Variants in SH3GL2 observed in about 807,000 individuals in gnomAD.
SH3GL2 encodes the protein SH3 domain containing GRB2 like 2, endophilin A1.
SH3GL2 carries 24 observed loss-of-function variants against 46.0 expected under a neutral mutation model. That is an observed-to-expected ratio of 0.52 (90% CI 0.38 to 0.73). The LOEUF is 0.73. SH3GL2 is among the 30% of genes least tolerant of loss of function. The probability of loss-of-function intolerance (pLI) is 0.00; values close to 1 mark genes in which losing one functional copy is unlikely to be tolerated. For synonymous variants in SH3GL2, 196 were observed against 147.1 expected (o/e 1.33, Z -2.40); for missense variants, 413 against 424.2 (o/e 0.97, Z 0.23).
At chr9:17,656,719 G>T (rs557903946) in intron 1 of SH3GL2, among the ~76,000 whole-genome samples, 2 of 140,372 alleles carry the variant, frequency 1.4e-5, no homozygotes, top group South Asian at 2.3e-4. Context: ...GTAGTGAGCC[G>T]AGTTAGTGCC....
chr9:17,795,497 C>G (rs574795384), intron 8 of SH3GL2, 47 bp from the exon 9 acceptor site: 1 of 1,493,332 alleles, frequency 6.7e-7, no homozygotes, highest in Non-Finnish European at 9.3e-7. Context: ...AGTTAAATAC[C>G]CCTTATCCTT....
intron 1 of SH3GL2, among the ~76,000 whole-genome samples, chr9:17,691,301 A>G (rs1434327647): frequency 6.6e-6 from 1 of 152,120 alleles, no homozygotes; most frequent in African/African-American, 2.4e-5. Flanking sequence ...CCCTAATTCT[A>G]CTTTTATTTT....
At chr9:17,760,286 AACAC>A (rs754940901) in intron 2 of SH3GL2, among the ~76,000 whole-genome samples, 18 of 152,328 alleles carry the variant, frequency 1.2e-4, no homozygotes, top group Non-Finnish European at 2.4e-4. Flanking sequence ...AGTAATAGCA[AACAC>A]ACACAGTAAT....
At chr9:17,618,430 G>T (rs1819055911) in intron 1 of SH3GL2, among the ~76,000 whole-genome samples, 1 of 152,160 alleles carries the variant, frequency 6.6e-6, no homozygotes, top group Non-Finnish European at 1.5e-5. Flanking sequence ...CTGGACTGAG[G>T]TGCCACCATG....
chr9:17,581,259 A>C (rs988850805), intron 1 of SH3GL2, among the ~76,000 whole-genome samples: 2 of 152,208 alleles, frequency 1.3e-5, no homozygotes, highest in African/African-American at 2.4e-5. Context: ...GTGTAGAAAA[A>C]ATAATTTAAA....
At chr9:17,692,808 G>A (rs1821115484) in intron 1 of SH3GL2, among the ~76,000 whole-genome samples, 1 of 152,110 alleles carries the variant, frequency 6.6e-6, no homozygotes, top group Admixed American at 6.6e-5. Flanking sequence ...TGGACTTACG[G>A]TTCCACTTGG....
At chr9:17,602,550 A>T (rs1818690736) in intron 1 of SH3GL2, among the ~76,000 whole-genome samples, 1 of 152,202 alleles carries the variant, frequency 6.6e-6, no homozygotes, top group Admixed American at 6.5e-5. Context: ...CAGACCTTCC[A>T]GGTGACTCTT....
At chr9:17,620,510 T>G (rs1353989079) in intron 1 of SH3GL2, among the ~76,000 whole-genome samples, 3 of 152,184 alleles carry the variant, frequency 2.0e-5, no homozygotes, top group Non-Finnish European at 4.4e-5. Context: ...AGTAATGGGC[T>G]CGCAGACATG....
chr9:17,784,792 C>T (rs146402356), intron 3 of SH3GL2, among the ~76,000 whole-genome samples: 4 of 152,228 alleles, frequency 2.6e-5, no homozygotes, highest in South Asian at 2.1e-4. Context: ...AGCTCACTAC[C>T]GCCTCAAACT....
At chr9:17,671,930 A>C (rs925761420) in intron 1 of SH3GL2, among the ~76,000 whole-genome samples, 1 of 152,218 alleles carries the variant, frequency 6.6e-6, no homozygotes, top group Non-Finnish European at 1.5e-5. Flanking sequence ...GTGTTACCTC[A>C]ACAAAGATTG....
At chr9:17,641,679 G>T (rs1280500041) in intron 1 of SH3GL2, among the ~76,000 whole-genome samples, 1 of 152,178 alleles carries the variant, frequency 6.6e-6, no homozygotes, top group African/African-American at 2.4e-5. Context: ...TTATGAGTGA[G>T]AACATGTGGT....
intron 1 of SH3GL2, among the ~76,000 whole-genome samples, chr9:17,707,542 A>C (rs1293731152): frequency 1.3e-5 from 2 of 152,052 alleles, no homozygotes; most frequent in African/African-American, 2.4e-5. Flanking sequence ...TGTGCTATGC[A>C]ACTGTGCTGT....
chr9:17,591,311 T>C (rs1008648991), intron 1 of SH3GL2: 2 of 152,090 alleles, frequency 1.3e-5, no homozygotes, highest in African/African-American at 2.4e-5. Context: ...CTTTATAATA[T>C]CTAAATTACC....
chr9:17,603,364 C>T (rs1376854355), intron 1 of SH3GL2, among the ~76,000 whole-genome samples: 1 of 152,112 alleles, frequency 6.6e-6, no homozygotes. Context: ...GGACATTAAG[C>T]TAAGTTAAAT....
intron 1 of SH3GL2, among the ~76,000 whole-genome samples, chr9:17,650,057 T>A (rs972314211): frequency 6.6e-6 from 1 of 152,230 alleles, no homozygotes. Context: ...AAGGATATCT[T>A]CCCTGGAGAG....
intron 1 of SH3GL2, among the ~76,000 whole-genome samples, chr9:17,671,279 G>C (rs1820467677): frequency 6.6e-6 from 1 of 150,578 alleles, no homozygotes; most frequent in South Asian, 2.1e-4. Flanking sequence ...CAGTGAAATG[G>C]TTTCTGTTTT....
chr9:17,683,916 A>C (rs751715348), intron 1 of SH3GL2, among the ~76,000 whole-genome samples: 2 of 152,114 alleles, frequency 1.3e-5, no homozygotes, highest in Admixed American at 6.6e-5. Flanking sequence ...CTGACTCCTG[A>C]CTAAATTGAA....
At chr9:17,719,401 C>T (rs970858489) in intron 1 of SH3GL2, among the ~76,000 whole-genome samples, 1 of 152,124 alleles carries the variant, frequency 6.6e-6, no homozygotes, top group Non-Finnish European at 1.5e-5. Context: ...AAATTCAGAG[C>T]AGCTTATAAA....
intron 1 of SH3GL2, among the ~76,000 whole-genome samples, chr9:17,593,815 G>A (rs1818525611): frequency 1.3e-5 from 2 of 152,222 alleles, no homozygotes; most frequent in South Asian, 4.2e-4. Flanking sequence ...AATACCATCC[G>A]TCATCAGGCT....
Sources: allele counts gnomAD v4.1 joint callset (sites outside exome capture counted in the v4.1 genomes callset), GRCh38; gene constraint gnomAD v4.1.1; transcripts MANE v1.5; gene names NCBI Gene and HGNC (gene_info 2026-07-23, HGNC 2026-07-21).